The following CHST11 variants were observed in gnomAD, a reference collection of about 807,000 sequenced individuals.
CHST11 encodes the protein carbohydrate sulfotransferase 11.
CHST11 carries 9 observed loss-of-function variants against 30.4 expected under a neutral mutation model. That is an observed-to-expected ratio of 0.30 (90% CI 0.18 to 0.52). The LOEUF is 0.52. CHST11 is among the 20% of genes least tolerant of loss of function. The probability of loss-of-function intolerance (pLI) is 0.97; values close to 1 mark genes in which losing one functional copy is unlikely to be tolerated. For missense variants in CHST11, 348 were observed against 460.6 expected (o/e 0.76, Z 2.24); for synonymous variants, 152 against 187.8 (o/e 0.81, Z 1.56).
At chr12:104,646,505 G>A (rs536876025) in intron 2 of CHST11, among the ~76,000 whole-genome samples, 55 of 152,210 alleles carry the variant, frequency 3.6e-4, no homozygotes, top group African/African-American at 1.3e-3. Context: ...AGGCCGAGGT[G>A]GGTGGATCAC....
At chr12:104,464,907 G>T (rs2037444026) in intron 1 of CHST11, among the ~76,000 whole-genome samples, 1 of 152,182 alleles carries the variant, frequency 6.6e-6, no homozygotes, top group African/African-American at 2.4e-5. Flanking sequence ...GGTCTCCCAT[G>T]TCCTATCCCC....
At chr12:104,544,203 C>T (rs893785004) in intron 1 of CHST11, among the ~76,000 whole-genome samples, 9 of 144,794 alleles carry the variant, frequency 6.2e-5, no homozygotes, top group East Asian at 1.9e-4. Context: ...AACTAATTAA[C>T]GCTCATACAT....
chr12:104,656,501 A>C (rs2039545334), intron 2 of CHST11, among the ~76,000 whole-genome samples: 1 of 152,172 alleles, frequency 6.6e-6, no homozygotes, highest in African/African-American at 2.4e-5. Flanking sequence ...ATCCAGTCTT[A>C]TCATCTCGTG....
intron 1 of CHST11, among the ~76,000 whole-genome samples, chr12:104,585,602 A>AG (rs2038796369): frequency 1.3e-5 from 2 of 152,350 alleles, no homozygotes; most frequent in South Asian, 4.1e-4. Flanking sequence ...TATAGGTGAG[A>AG]TAACTGAGGC....
intron 1 of CHST11, among the ~76,000 whole-genome samples, chr12:104,519,136 C>G (rs1269612976): frequency 6.7e-6 from 1 of 148,730 alleles, no homozygotes; most frequent in Non-Finnish European, 1.5e-5. Flanking sequence ...CAACCCTAAA[C>G]AGGGGTATGG....
chr12:104,677,740 T>C (rs2039755626), intron 2 of CHST11, among the ~76,000 whole-genome samples: 1 of 152,210 alleles, frequency 6.6e-6, no homozygotes, highest in African/African-American at 2.4e-5. Context: ...CCTCCTTGGG[T>C]ACCATGTTGC....
At chr12:104,742,804 CCT>C (rs767383353) in intron 2 of CHST11, among the ~76,000 whole-genome samples, 10 of 152,238 alleles carry the variant, frequency 6.6e-5, no homozygotes, top group Non-Finnish European at 1.3e-4. Flanking sequence ...TGATTCCCCT[CCT>C]CTTGTTTCTT....
chr12:104,458,472 T>C lies in CHST11; in HGVS notation c.118+943T>C. On this transcript the variant is annotated intron_variant, in intron 1 of 2. Coordinates refer to ENST00000303694, the MANE Select transcript of CHST11 (RefSeq NM_018413.6). This position sits in a 1 kb window ranked among gnomAD's most constrained non-coding sequence, Gnocchi z 5.7. ...GGGAGGGACGAGGCTCGTCGCTTCC[T>C]AGGGGTGCGAGGGAAAGTTTGGGTT... Among the ~76,000 whole-genome samples, 1 of 152,082 alleles carries C rather than the reference T, an allele frequency of 6.6e-6. No homozygotes were observed. The highest frequency in any genetic ancestry group is 1.5e-5 in the Non-Finnish European group (1 of 67,982).
chr12:104,714,963 G>A (rs1053944965), intron 2 of CHST11, among the ~76,000 whole-genome samples: 1 of 152,220 alleles, frequency 6.6e-6, no homozygotes, highest in Non-Finnish European at 1.5e-5. Flanking sequence ...TGACCTCGAG[G>A]CAGAGCTGTG....
At chr12:104,706,276 C>T (rs1389728513) in intron 2 of CHST11, among the ~76,000 whole-genome samples, 3 of 140,938 alleles carry the variant, frequency 2.1e-5, no homozygotes, top group Admixed American at 7.1e-5. Flanking sequence ...CCCAGCTACT[C>T]GGGAGGCTGA....
At chr12:104,756,843 A>G in intron 2 of CHST11, 106 bp from the exon 3 acceptor site, 1 of 1,350,748 alleles carries the variant, frequency 7.4e-7, no homozygotes, top group East Asian at 2.3e-5. Context: ...CACTGCACCC[A>G]GCTTAGATAT....
chr12:104,479,149 T>C (rs1375442364), intron 1 of CHST11, among the ~76,000 whole-genome samples: 2 of 151,514 alleles, frequency 1.3e-5, no homozygotes, highest in African/African-American at 4.9e-5. Context: ...CCAACTCAAA[T>C]TGGTTTAAGC....
At chr12:104,585,120 C>A (rs12828719) in intron 1 of CHST11, among the ~76,000 whole-genome samples, 1 of 152,216 alleles carries the variant, frequency 6.6e-6, no homozygotes, top group Non-Finnish European at 1.5e-5. Context: ...GAAGCCCCAG[C>A]TCTGTTACTG....
intron 2 of CHST11, among the ~76,000 whole-genome samples, chr12:104,738,949 G>A (rs940939715): frequency 1.5e-4 from 23 of 152,250 alleles, no homozygotes; most frequent in African/African-American, 5.3e-4. Context: ...GGATGGAGCT[G>A]CCACCAGGTT....
intron 2 of CHST11, among the ~76,000 whole-genome samples, chr12:104,686,229 T>C (rs2039844661): frequency 7.1e-5 from 2 of 28,066 alleles, no homozygotes; most frequent in African/African-American, 1.6e-4. Flanking sequence ...AGAACTCACC[T>C]CTTAAAAAAA....
At chr12:104,568,092 G>A (rs1467654466) in intron 1 of CHST11, among the ~76,000 whole-genome samples, 1 of 152,120 alleles carries the variant, frequency 6.6e-6, no homozygotes, top group African/African-American at 2.4e-5. Context: ...GAGCCTGGAG[G>A]AAGGACTCGT....
chr12:104,533,292 T>C (rs977687461), intron 1 of CHST11, among the ~76,000 whole-genome samples: 2 of 152,198 alleles, frequency 1.3e-5, no homozygotes, highest in Non-Finnish European at 2.9e-5. Context: ...TTGGAAAGAA[T>C]AGGAAGAAGT....
At chr12:104,628,632 C>T (rs2039242464) in intron 2 of CHST11, among the ~76,000 whole-genome samples, 1 of 152,166 alleles carries the variant, frequency 6.6e-6, no homozygotes, top group South Asian at 2.1e-4. Context: ...CCTCCCTCTT[C>T]AGCCTCATCT....
At chr12:104,467,758 A>G (rs568790212) in intron 1 of CHST11, among the ~76,000 whole-genome samples, 144 of 152,252 alleles carry the variant, frequency 9.5e-4, no homozygotes, top group Non-Finnish European at 1.8e-3. Context: ...TTAACTTCGA[A>G]GAATCTCAGA....
Sources: allele counts gnomAD v4.1 joint callset (sites outside exome capture counted in the v4.1 genomes callset), GRCh38; gene constraint gnomAD v4.1.1; non-coding constraint Gnocchi (gnomAD v3.1); transcripts MANE v1.5; gene names NCBI Gene and HGNC (gene_info 2026-07-23, HGNC 2026-07-21).